VRK2: variants seen among roughly 807,000 people sequenced by gnomAD.
VRK2 encodes serine/threonine-protein kinase VRK2.
VRK2 carries 60 observed loss-of-function variants against 57.6 expected under a neutral mutation model. The observed-to-expected ratio is 1.04, with a 90% CI of 0.85 to 1.29. The LOEUF (loss-of-function observed/expected upper bound fraction) is 1.29. Ranked by LOEUF, VRK2 falls within the 50% of genes most tolerant of loss-of-function variation. VRK2 has a pLI of 0.00. For synonymous variants in VRK2, 231 were observed against 199.2 expected (o/e 1.16, Z -1.35); for missense variants, 705 against 588.1 (o/e 1.20, Z -2.06).
chr2:58,078,982 C>A (rs1670502074), intron 2 of VRK2, among the ~76,000 whole-genome samples: 2 of 152,040 alleles, frequency 1.3e-5, no homozygotes, highest in South Asian at 4.1e-4. Flanking sequence ...TGATTTTGCC[C>A]ATTTTTAAAC....
At chr2:58,057,142 T>C (rs1174977118) in intron 2 of VRK2, among the ~76,000 whole-genome samples, 1 of 152,140 alleles carries the variant, frequency 6.6e-6, no homozygotes, top group African/African-American at 2.4e-5. Context: ...CAGTGCTTAA[T>C]ATGGCCTTGC....
intron 1 of VRK2, among the ~76,000 whole-genome samples, chr2:57,950,611 C>T (rs550568687): frequency 6.6e-6 from 1 of 152,320 alleles, no homozygotes; most frequent in Admixed American, 6.5e-5. Flanking sequence ...ATGTTGTCTT[C>T]GTGCCTGCTA....
Position 58,017,476 on chromosome 2 carries a change from G to A in VRK2, c.-438-8189G>A, listed in dbSNP as rs191110209. Among the ~76,000 whole-genome samples the A allele has an allele frequency of 7.2e-5, 11 of 152,228 alleles. No individual in the cohort carries two copies. In the East Asian group the frequency reaches 9.7e-4, roughly 13 times the overall value. On this transcript the variant is annotated intron_variant, in intron 1 of 15. Coordinates refer to the VRK2 transcript ENST00000417641. ...TATGGTCCCCAATTTGATCCCATCC[G>A]CGCAGATTTTGTAGGGGCAATTTTC...
chr2:58,077,635 G>A (rs1041540555), intron 2 of VRK2, among the ~76,000 whole-genome samples: 1 of 151,930 alleles, frequency 6.6e-6, no homozygotes, highest in Non-Finnish European at 1.5e-5. Context: ...AATAATCAAA[G>A]CATAGTAATT....
intron 7 of VRK2, among the ~76,000 whole-genome samples, chr2:58,111,807 A>G (rs1024926182): frequency 1.3e-5 from 2 of 152,128 alleles, no homozygotes; most frequent in Non-Finnish European, 2.9e-5. Flanking sequence ...AAGGTAATAT[A>G]TAAAAAACTT....
intron 1 of VRK2, among the ~76,000 whole-genome samples, chr2:57,964,810 G>A (rs563959649): frequency 2.1e-5 from 3 of 144,594 alleles, no homozygotes; most frequent in East Asian, 2.1e-4. Flanking sequence ...CACCTGAGAG[G>A]TGAAGGTTGC....
chr2:58,123,204 T>C lies in VRK2; in HGVS notation c.647T>C (p.Phe216Ser). 1 of 1,587,486 alleles carries C rather than the reference T, an allele frequency of 6.3e-7. No homozygotes were observed. Among genetic ancestry groups the C allele is most frequent in the Non-Finnish European group, 8.5e-7 (1 of 1,173,256 alleles). The change falls in exon 8 of 13, where the codon TTT becomes TCT. Residue 216 changes from phenylalanine to serine, a missense_variant. Physicochemically the swap from Phe to Ser is radical, Grantham distance 155. Coordinates refer to ENST00000340157, the MANE Select transcript of VRK2 (RefSeq NM_006296.7). Reference sequence around the variant, plus strand: ...AAAGGCCATAATGGGACAATAGAGTTTACCAGCTTGGATGCCCACAAGGGA... The same window carrying C: ...AAAGGCCATAATGGGACAATAGAGTCTACCAGCTTGGATGCCCACAAGGGA... ...PRKGHNGTIE[F>S]TSLDAHKGVA...
rs117445380 is a variant in VRK2 at position 57,959,673 on chromosome 2, A to G, written c.-439+51834A>G. 1.8e-4 allele frequency among the ~76,000 whole-genome samples: 27 copies of G among 152,292 alleles called. 1 individual carries two copies. The East Asian group carries it at 5.0e-3, about 28-fold the overall frequency. Reference sequence around the variant, plus strand: ...AGTGCCAGTTTGTTCCTCTTCATGCAGAAGCTCAAGACAGCTTAATTAACC... The same window carrying G: ...AGTGCCAGTTTGTTCCTCTTCATGCGGAAGCTCAAGACAGCTTAATTAACC... On this transcript the variant is annotated intron_variant, in intron 1 of 15. Coordinates refer to the VRK2 transcript ENST00000417641.
chr2:58,122,192 C>A (rs928232744), intron 7 of VRK2, among the ~76,000 whole-genome samples: 4 of 152,174 alleles, frequency 2.6e-5, no homozygotes, highest in African/African-American at 9.7e-5. Context: ...TTACCTCTTA[C>A]AGTCTCTTCA....
At chr2:58,141,041 G>A (rs532963955) in intron 11 of VRK2, among the ~76,000 whole-genome samples, 103 of 152,078 alleles carry the variant, frequency 6.8e-4, no homozygotes, top group Middle Eastern at 3.4e-3. Context: ...CACTATTTAC[G>A]TATTGCAGAA....
At chr2:57,928,495 G>A (rs756226965) in intron 1 of VRK2, among the ~76,000 whole-genome samples, 14 of 151,948 alleles carry the variant, frequency 9.2e-5, no homozygotes, top group Admixed American at 9.2e-4. Flanking sequence ...GAATTCTGTT[G>A]GAAAGGTCAT....
At chr2:58,127,316 T>C (rs1459599639) in intron 8 of VRK2, among the ~76,000 whole-genome samples, 1 of 152,120 alleles carries the variant, frequency 6.6e-6, no homozygotes, top group African/African-American at 2.4e-5. Flanking sequence ...GTTTACGCAA[T>C]ACTTATGTCT....
At chr2:58,110,018 T>C (rs1021113212) in intron 7 of VRK2, among the ~76,000 whole-genome samples, 2 of 152,206 alleles carry the variant, frequency 1.3e-5, no homozygotes, top group African/African-American at 4.8e-5. Context: ...AAGTACAGGC[T>C]TAACTAAGTG....
intron 1 of VRK2, among the ~76,000 whole-genome samples, chr2:57,932,840 T>C (rs1670773726): frequency 6.6e-6 from 1 of 152,184 alleles, no homozygotes. Flanking sequence ...TAAACCTCCC[T>C]TAGCACTGCT....
At chr2:58,148,498 T>G (rs1328340036) in intron 12 of VRK2, among the ~76,000 whole-genome samples, 1 of 151,836 alleles carries the variant, frequency 6.6e-6, no homozygotes, top group East Asian at 1.9e-4. Context: ...GCTTTTTATA[T>G]TATTTGTTTT....
intron 1 of VRK2, among the ~76,000 whole-genome samples, chr2:57,928,877 T>C (rs1436563536): frequency 6.6e-6 from 1 of 152,236 alleles, no homozygotes; most frequent in Non-Finnish European, 1.5e-5. Context: ...CAGAGATTTT[T>C]GTTCTCTTCC....
chr2:58,077,002 A>G (rs1199362162), intron 2 of VRK2, among the ~76,000 whole-genome samples: 2 of 152,044 alleles, frequency 1.3e-5, no homozygotes, highest in African/African-American at 2.4e-5. Context: ...ATACAATACT[A>G]TTAACCTATT....
chr2:57,943,881 C>T (rs1387386438), intron 1 of VRK2, among the ~76,000 whole-genome samples: 3 of 152,158 alleles, frequency 2.0e-5, no homozygotes, highest in Non-Finnish European at 4.4e-5. Flanking sequence ...TTATGCTTGG[C>T]AGGCCATATG....
chr2:58,109,624 A>G (rs1414378341), intron 7 of VRK2, among the ~76,000 whole-genome samples: 1 of 152,194 alleles, frequency 6.6e-6, no homozygotes, highest in Admixed American at 6.5e-5. Flanking sequence ...TTATAAAACC[A>G]TCAGATCTCA....
Sources: gnomAD v4.1 joint callset for allele counts (sites outside exome capture counted in the v4.1 genomes callset) on GRCh38, gnomAD v4.1.1 for gene constraint, MANE v1.5 for transcripts, NCBI Gene and HGNC (gene_info 2026-07-23, HGNC 2026-07-21) for gene names.